Variants in B3GALT1 observed in about 807,000 individuals in gnomAD.
The protein encoded by B3GALT1 is UDP-Gal:betaGlcNAc beta 1,3-galactosyltransferase, polypeptide 1.
A neutral mutation model predicts 23.2 loss-of-function variants in B3GALT1; 10 were observed. That is an observed-to-expected ratio of 0.43 (90% CI 0.27 to 0.73). The LOEUF (loss-of-function observed/expected upper bound fraction) is 0.73. Ranked by LOEUF, B3GALT1 falls within the 30% of genes least tolerant of loss-of-function variation. The probability of loss-of-function intolerance (pLI) is 0.21; values close to 1 mark genes in which losing one functional copy is unlikely to be tolerated. For missense variants in B3GALT1, 299 were observed against 405.4 expected, an observed-to-expected ratio of 0.74 and a Z score of 2.25; for synonymous variants, 156 against 141.5, an observed-to-expected ratio of 1.10 and a Z score of -0.73.
chr2:167,461,240 G>A (rs1054910694), intron 1 of B3GALT1, among the ~76,000 whole-genome samples: 3 of 152,344 alleles, frequency 2.0e-5, no homozygotes, highest in Non-Finnish European at 4.4e-5. Flanking sequence ...ATAGTTGCCT[G>A]CCATAGGGCT....
At chr2:167,441,735 C>T (rs984131020) in intron 1 of B3GALT1, among the ~76,000 whole-genome samples, 13 of 151,884 alleles carry the variant, frequency 8.6e-5, no homozygotes, top group Non-Finnish European at 1.3e-4. Context: ...ATTATTAAAA[C>T]GCAGATACAG....
chr2:167,361,903 A>G (rs545367855), intron 1 of B3GALT1, among the ~76,000 whole-genome samples: 4 of 152,054 alleles, frequency 2.6e-5, no homozygotes, highest in African/African-American at 9.7e-5. Context: ...ATGAAACCCC[A>G]TCTCTCCTAA....
At chr2:167,475,765 G>A (rs886859388) in intron 1 of B3GALT1, among the ~76,000 whole-genome samples, 3 of 152,044 alleles carry the variant, frequency 2.0e-5, no homozygotes, top group Non-Finnish European at 4.4e-5. Flanking sequence ...GAAATTAATT[G>A]TTTTACGGTT....
rs143376269 is a variant in B3GALT1 at position 167,536,420 on chromosome 2, A to G, written c.-410+46143A>G. ...AGCAACTGAGGCATTGGTGGTTACAAAAGACAATTTCTTTTTATAATGCAG... is the reference window on the plus strand; with the variant it reads ...AGCAACTGAGGCATTGGTGGTTACAGAAGACAATTTCTTTTTATAATGCAG... On this transcript the variant is annotated intron_variant, in intron 2 of 4. Transcript: ENST00000392690. 3.0e-3 allele frequency among the ~76,000 whole-genome samples: 455 copies of G among 152,310 alleles called. 4 individuals carry two copies. The highest frequency in any genetic ancestry group is 0.01 in the African/African-American group (434 of 41,572).
intron 2 of B3GALT1, among the ~76,000 whole-genome samples, chr2:167,584,841 C>T (rs867022839): frequency 3.4e-4 from 52 of 152,266 alleles, no homozygotes; most frequent in Middle Eastern, 3.4e-3. Flanking sequence ...GTCACACTAC[C>T]CTCCGGGAAT....
At chr2:167,398,737 A>G (rs1703856305) in intron 1 of B3GALT1, among the ~76,000 whole-genome samples, 1 of 152,172 alleles carries the variant, frequency 6.6e-6, no homozygotes, top group Non-Finnish European at 1.5e-5. Flanking sequence ...TGAACCACTC[A>G]TTTAATTTAT....
At chr2:167,720,202 C>T (rs73971235) in intron 3 of B3GALT1, among the ~76,000 whole-genome samples, 3,060 of 152,162 alleles carry the variant, frequency 0.02, 105 homozygotes, top group African/African-American at 0.068. Context: ...TCAACATTTT[C>T]TACGTAGGAA....
At chr2:167,811,657 G>A (rs1187135917) in intron 3 of B3GALT1, among the ~76,000 whole-genome samples, 4 of 148,828 alleles carry the variant, frequency 2.7e-5, no homozygotes, top group Middle Eastern at 3.2e-3. Context: ...CATCTAGTAC[G>A]ATTGATTAAG....
intron 1 of B3GALT1, among the ~76,000 whole-genome samples, chr2:167,367,390 G>T (rs1289302908): frequency 5.3e-5 from 8 of 152,104 alleles, no homozygotes; most frequent in Non-Finnish European, 8.8e-5. Context: ...CTTAGCATTG[G>T]ATCTTCTTAG....
intron 2 of B3GALT1, among the ~76,000 whole-genome samples, chr2:167,630,177 A>T (rs527470750): frequency 6.6e-6 from 1 of 151,928 alleles, no homozygotes; most frequent in East Asian, 1.9e-4. Context: ...GATTAGATAC[A>T]CAAAATACAC....
At chr2:167,836,432 G>C (rs1689473672) in intron 4 of B3GALT1, among the ~76,000 whole-genome samples, 1 of 152,134 alleles carries the variant, frequency 6.6e-6, no homozygotes, top group African/African-American at 2.4e-5. Flanking sequence ...TATCAGCAAT[G>C]GAAGATGAAA....
chr2:167,737,887 C>CA, intron 3 of B3GALT1, among the ~76,000 whole-genome samples: 1 of 152,256 alleles, frequency 6.6e-6, no homozygotes, highest in East Asian at 1.9e-4. Context: ...CAGAAAAACA[C>CA]TTGGTGGGAA....
At chr2:167,674,678 C>A (rs998118507) in intron 3 of B3GALT1, among the ~76,000 whole-genome samples, 5 of 152,096 alleles carry the variant, frequency 3.3e-5, no homozygotes, top group Admixed American at 3.3e-4. Context: ...CATTGATAAA[C>A]TGAAAAGTAC....
chr2:167,553,704 T>C (rs1373228231), intron 2 of B3GALT1, among the ~76,000 whole-genome samples: 4 of 152,202 alleles, frequency 2.6e-5, no homozygotes, highest in African/African-American at 9.6e-5. Flanking sequence ...GGTTCATTTT[T>C]CTTAGTGATA....
intron 1 of B3GALT1, among the ~76,000 whole-genome samples, chr2:167,427,361 G>T (rs552867051): frequency 5.3e-5 from 8 of 152,108 alleles, no homozygotes; most frequent in African/African-American, 1.2e-4. Flanking sequence ...ACTTATTTTT[G>T]ATCTTAAAAA....
At position 167,407,538 on chromosome 2, in the gene B3GALT1, CA is replaced by C. The variant is rs1052720174; in HGVS notation, c.-510-82631del. On this transcript the variant is annotated intron_variant, in intron 1 of 4. Transcript: ENST00000392690. Reference sequence around the variant, plus strand: ...AAGACAATACAATATAGAATATGAACAAAAAAAAGTTGTTTTATTGAAAAGG... The same window carrying C: ...AAGACAATACAATATAGAATATGAACAAAAAAAGTTGTTTTATTGAAAAGG... 5.6e-4 allele frequency among the ~76,000 whole-genome samples: 72 copies of C among 128,682 alleles called. No homozygotes were observed. In the East Asian group the frequency reaches 7.5e-3, roughly 13 times the overall value. The allele number at this position is 128,682 out of a possible 152,430, so 84.4% of individuals were successfully genotyped here.
Position 167,870,119 on chromosome 2 carries a change from G to A in B3GALT1, c.*99G>A, listed in dbSNP as rs1690313909. 10 of 1,313,674 alleles carry A rather than the reference G, an allele frequency of 7.6e-6. No homozygotes were observed. Among genetic ancestry groups the A allele is most frequent in the Non-Finnish European group, 9.2e-6 (9 of 979,682 alleles). The allele number at this position is 1,313,674 out of a possible 1,614,324, so 81.4% of individuals were successfully genotyped here. On this transcript the variant is annotated 3_prime_UTR_variant, in exon 5 of 5. Transcript: ENST00000392690. Reference sequence around the variant, plus strand: ...TGTCGGGGGAAATGAACTGGTGAAGGGGTTTTGTAAAGTTTTTGCTTCCTG... The same window carrying A: ...TGTCGGGGGAAATGAACTGGTGAAGAGGTTTTGTAAAGTTTTTGCTTCCTG...
rs993241446 is a variant in B3GALT1, at chr2:167,703,995, C to G, written c.-352+57029C>G. 2.0e-5 allele frequency among the ~76,000 whole-genome samples: 3 copies of G among 152,038 alleles called. No individual in the cohort carries two copies. In the South Asian group the frequency reaches 6.2e-4, roughly 32 times the overall value. On this transcript the variant is annotated intron_variant, in intron 3 of 4. Transcript: ENST00000392690. ...AGGAGATCAAGACCTTCCTGGCTAACACGGTGAAACCCCGTCTCTACTAAA... is the reference window on the plus strand; with the variant it reads ...AGGAGATCAAGACCTTCCTGGCTAAGACGGTGAAACCCCGTCTCTACTAAA...
At chr2:167,806,897 C>T (rs1014704125) in intron 3 of B3GALT1, among the ~76,000 whole-genome samples, 1 of 152,290 alleles carries the variant, frequency 6.6e-6, no homozygotes, top group East Asian at 1.9e-4. Flanking sequence ...ATGGTACCAG[C>T]TCCTCCTTGT....
Sources: allele counts gnomAD v4.1 joint callset (sites outside exome capture counted in the v4.1 genomes callset), GRCh38; gene constraint gnomAD v4.1.1; transcripts MANE v1.5; gene names NCBI Gene and HGNC (gene_info 2026-07-23, HGNC 2026-07-21).